The following FSTL5 variants were observed in gnomAD, a reference collection of about 807,000 sequenced individuals.
FSTL5 encodes follistatin-related protein 5.
In FSTL5, 62 loss-of-function variants were observed where a neutral mutation model predicts 89.1. The observed-to-expected ratio is 0.70, with a 90% confidence interval of 0.57 to 0.86. The LOEUF (loss-of-function observed/expected upper bound fraction) is 0.86. Among genes scored for constraint, FSTL5 ranks in the 40% least tolerant of loss-of-function variants. FSTL5 has a pLI of 0.00. For synonymous variants in FSTL5, 383 were observed against 346.2 expected (o/e 1.11, Z -1.18); for missense variants, 1,057 against 1,001.6 (o/e 1.06, Z -0.75).
At chr4:161,392,586 T>G (rs1389007908) in intron 15 of FSTL5, among the ~76,000 whole-genome samples, 2 of 152,152 alleles carry the variant, frequency 1.3e-5, no homozygotes, top group Non-Finnish European at 2.9e-5. Flanking sequence ...CCTCTAACTC[T>G]TTTTCAGGAG....
chr4:161,582,567 A>G (rs2126601291), intron 8 of FSTL5, among the ~76,000 whole-genome samples: 1 of 152,316 alleles, frequency 6.6e-6, no homozygotes, highest in East Asian at 1.9e-4. Context: ...ATAAAACCAA[A>G]GGAGAGGAAC....
At chr4:161,501,697 A>T (rs1213831997) in intron 11 of FSTL5, among the ~76,000 whole-genome samples, 1 of 152,024 alleles carries the variant, frequency 6.6e-6, no homozygotes, top group African/African-American at 2.4e-5. Context: ...CCTGAACAGA[A>T]GCAGAAGTGG....
intron 2 of FSTL5, among the ~76,000 whole-genome samples, chr4:162,040,832 T>G: frequency 6.6e-6 from 1 of 152,190 alleles, no homozygotes; most frequent in Non-Finnish European, 1.5e-5. Context: ...TTTTTTTCAT[T>G]TTTCACAAAA....
At chr4:161,783,323 TGAGA>T (rs1741735735) in intron 4 of FSTL5, among the ~76,000 whole-genome samples, 1 of 152,140 alleles carries the variant, frequency 6.6e-6, no homozygotes, top group Non-Finnish European at 1.5e-5. Flanking sequence ...ACAGAATATA[TGAGA>T]GCTAATGCTC....
intron 7 of FSTL5, among the ~76,000 whole-genome samples, chr4:161,642,250 T>C (rs1735991026): frequency 2.0e-5 from 3 of 152,148 alleles, no homozygotes; most frequent in African/African-American, 7.2e-5. Context: ...AAGTATACAA[T>C]ACAATATTGT....
intron 4 of FSTL5, among the ~76,000 whole-genome samples, chr4:161,864,332 G>T (rs893765716): frequency 6.6e-6 from 1 of 152,174 alleles, no homozygotes; most frequent in African/African-American, 2.4e-5. Context: ...ATTCTTAAAA[G>T]CCGTATGGTT....
At chr4:161,759,352 T>A in intron 6 of FSTL5, 59 bp downstream of exon 6, 1 of 1,502,248 alleles carries the variant, frequency 6.7e-7, no homozygotes, top group Non-Finnish European at 9.0e-7. Flanking sequence ...ATAGACCATA[T>A]TGTGTAAAGC....
intron 10 of FSTL5, among the ~76,000 whole-genome samples, chr4:161,522,174 A>G (rs1430371152): frequency 6.6e-6 from 1 of 152,104 alleles, no homozygotes; most frequent in Non-Finnish European, 1.5e-5. Context: ...AGAACAAACA[A>G]CAGATAGCAG....
At chr4:161,820,852 T>C (rs1730468547) in intron 4 of FSTL5, among the ~76,000 whole-genome samples, 1 of 151,636 alleles carries the variant, frequency 6.6e-6, no homozygotes, top group Admixed American at 6.6e-5. Flanking sequence ...ATCTGAGCCA[T>C]AAAAATGATT....
chr4:162,087,308 T>A (rs1730358709), intron 2 of FSTL5, among the ~76,000 whole-genome samples: 1 of 152,088 alleles, frequency 6.6e-6, no homozygotes, highest in South Asian at 2.1e-4. Context: ...CAAAGAAATG[T>A]TTAACTATTT....
intron 6 of FSTL5, among the ~76,000 whole-genome samples, chr4:161,666,117 A>T (rs1437962226): frequency 2.6e-5 from 4 of 152,102 alleles, no homozygotes; most frequent in Non-Finnish European, 5.9e-5. Flanking sequence ...CCAAAAACAC[A>T]AGTCACCAAG....
chr4:161,694,358 G>A (rs777476557), intron 6 of FSTL5, among the ~76,000 whole-genome samples: 54 of 152,008 alleles, frequency 3.6e-4, no homozygotes, highest in Non-Finnish European at 6.9e-4. Flanking sequence ...CCCAGTGAAT[G>A]TTGTATTTTT....
chr4:161,580,701 A>G (rs1328994856), intron 8 of FSTL5, among the ~76,000 whole-genome samples: 1 of 152,210 alleles, frequency 6.6e-6, no homozygotes, highest in Non-Finnish European at 1.5e-5. Context: ...TCCTAAGGAC[A>G]TCAACTCCCT....
chr4:161,862,206 A>G (rs1731938852), intron 4 of FSTL5, among the ~76,000 whole-genome samples: 1 of 152,230 alleles, frequency 6.6e-6, no homozygotes, highest in African/African-American at 2.4e-5. Flanking sequence ...AAGATGTAAT[A>G]AGCACCAACA....
At chr4:161,558,341 T>A (rs1302008730) in intron 8 of FSTL5, among the ~76,000 whole-genome samples, 1 of 151,878 alleles carries the variant, frequency 6.6e-6, no homozygotes, top group African/African-American at 2.4e-5. Flanking sequence ...TCAATGTCAA[T>A]ATGGCAATCT....
intron 5 of FSTL5, 65 bp downstream of exon 5, chr4:161,775,813 G>T: frequency 1.2e-6 from 1 of 841,332 alleles, no homozygotes; most frequent in South Asian, 3.1e-5. Flanking sequence ...AGTAAATTTA[G>T]AAAAAGTAAA....
intron 1 of FSTL5, among the ~76,000 whole-genome samples, chr4:162,149,034 T>C (rs565218321): frequency 1.3e-3 from 196 of 152,314 alleles, no homozygotes; most frequent in African/African-American, 4.5e-3. Flanking sequence ...ATCTTTTGTA[T>C]GTGTGTGTCA....
chr4:161,481,517 A>C (rs1729506593), intron 12 of FSTL5, among the ~76,000 whole-genome samples: 1 of 152,178 alleles, frequency 6.6e-6, no homozygotes, highest in South Asian at 2.1e-4. Flanking sequence ...AACAGAATAA[A>C]TGTCACACTA....
rs116173078 is a variant in FSTL5 at position 162,048,752 on chromosome 4, T to C, written c.127-15094A>G. 7.5e-3 allele frequency among the ~76,000 whole-genome samples: 1,134 copies of C among 152,212 alleles called. 15 individuals are homozygous for C. The highest frequency in any genetic ancestry group is 0.026 in the African/African-American group (1,083 of 41,554). On this transcript the variant is annotated intron_variant, in intron 2 of 15. Transcript: ENST00000306100. ...GTCAATAAGAAATAATAATAAATGA[T>C]GGAATGTGTTGGAGCTGTTGGCTTA...
Sources: gnomAD v4.1 joint callset for allele counts (sites outside exome capture counted in the v4.1 genomes callset) on GRCh38, gnomAD v4.1.1 for gene constraint, MANE v1.5 for transcripts, NCBI Gene and HGNC (gene_info 2026-07-23, HGNC 2026-07-21) for gene names.